PRKX: variants seen among roughly 807,000 people sequenced by gnomAD.
PRKX encodes protein kinase cAMP-dependent X-linked catalytic subunit.
PRKX carries 12 observed loss-of-function variants against 22.0 expected under a neutral mutation model. The ratio of observed to expected loss-of-function variants is 0.54; its 90% CI spans 0.35 to 0.88. PRKX has a LOEUF of 0.88. Ranked by LOEUF, PRKX falls within the 40% of genes least tolerant of loss-of-function variation. PRKX has a pLI of 0.01. For missense variants in PRKX, 217 were observed against 308.0 expected (o/e 0.70, Z 2.21); for synonymous variants, 134 against 137.7 (o/e 0.97, Z 0.19).
rs531648852 is a variant in PRKX at position 3,658,205 on chromosome X, G to T, written c.336-2793C>A. Among the ~76,000 whole-genome samples, 344 of 111,076 alleles carry T rather than the reference G, an allele frequency of 3.1e-3. 3 individuals are homozygous for T. The highest frequency in any genetic ancestry group is 0.01 in the African/African-American group (314 of 30,525). Reference sequence around the variant, plus strand: ...GGGGCTTCACCATGTTGGCCAGGCCGGTCTCGAACTCCTGACCTCAGGCGA... The same window carrying T: ...GGGGCTTCACCATGTTGGCCAGGCCTGTCTCGAACTCCTGACCTCAGGCGA... On this transcript the variant is annotated intron_variant, in intron 2 of 8. Coordinates refer to ENST00000262848, the MANE Select transcript of PRKX (RefSeq NM_005044.5).
intron 1 of PRKX, among the ~76,000 whole-genome samples, chrX:3,689,764 T>G (rs987972212): frequency 9.0e-6 from 1 of 111,492 alleles, no homozygotes; most frequent in African/African-American, 3.3e-5. Context: ...GATCACAAGG[T>G]CAGGAGATCG....
rs1927646806 is a variant in PRKX at position 3,663,423 on chromosome X, CCT to C, written c.336-8013_336-8012del. On this transcript the variant is annotated intron_variant, in intron 2 of 8. Coordinates refer to ENST00000262848, the MANE Select transcript of PRKX (RefSeq NM_005044.5). The stretch of plus-strand genomic sequence containing the variant: ...CTGAGCAACACAGTGAGATCTTGTC[CCT>C]ACACACACACACACACACACACACA... 5.1e-5 allele frequency among the ~76,000 whole-genome samples: 4 copies of C among 77,931 alleles called. No homozygotes were observed. The East Asian group carries it at 1.2e-3, about 24-fold the overall frequency. The allele number at this position is 77,931 out of a possible 115,157, so 67.7% of individuals were successfully genotyped here. A position where few individuals can be genotyped will look rare whatever the true frequency, so the allele number is the denominator to read the frequency against.
chrX:3,626,092 A>G (rs1304873709), intron 5 of PRKX, among the ~76,000 whole-genome samples: 1 of 111,787 alleles, frequency 8.9e-6, no homozygotes, highest in Non-Finnish European at 1.9e-5. Flanking sequence ...TCTGTTAGCC[A>G]CAGAACTAGG....
At chrX:3,680,130 C>CTGTTGTTGTTGTTGT (rs34465309) in intron 1 of PRKX, among the ~76,000 whole-genome samples, 167 of 107,921 alleles carry the variant, frequency 1.5e-3, no homozygotes, top group African/African-American at 5.5e-3. Flanking sequence ...ACATCCTGGC[C>CTGTTGTTGTTGTTGT]TGTTGTTGTT....
At chrX:3,705,865 T>C (rs1928672408) in intron 1 of PRKX, among the ~76,000 whole-genome samples, 1 of 107,289 alleles carries the variant, frequency 9.3e-6, no homozygotes, top group African/African-American at 3.4e-5. Flanking sequence ...TTTTTTTTTG[T>C]ATTTTTAGTA....
chrX:3,636,920 C>A (rs377710707), intron 4 of PRKX, among the ~76,000 whole-genome samples: 1 of 99,573 alleles, frequency 1.0e-5, no homozygotes, highest in Non-Finnish European at 2.0e-5. Flanking sequence ...CAGAGCGAGG[C>A]GGAACAGAAA....
intron 1 of PRKX, among the ~76,000 whole-genome samples, chrX:3,701,243 G>T (rs1415788121): frequency 3.6e-5 from 4 of 110,536 alleles, no homozygotes; most frequent in Non-Finnish European, 7.6e-5. Flanking sequence ...TGAACAGCTG[G>T]GATTATAGGT....
At chrX:3,670,858 T>C (rs980089408) in intron 2 of PRKX, among the ~76,000 whole-genome samples, 1 of 111,482 alleles carries the variant, frequency 9.0e-6, no homozygotes, top group African/African-American at 3.3e-5. Flanking sequence ...AAACTCATTT[T>C]CTGTCATTTT....
intron 7 of PRKX, among the ~76,000 whole-genome samples, chrX:3,613,008 G>A (rs192659825): frequency 4.5e-4 from 48 of 107,235 alleles, no homozygotes; most frequent in African/African-American, 1.5e-3. Context: ...AAAATTAGCC[G>A]GGCATAGTGG....
At chrX:3,636,773 T>C (rs1926895555) in intron 4 of PRKX, among the ~76,000 whole-genome samples, 2 of 111,006 alleles carry the variant, frequency 1.8e-5, no homozygotes, top group African/African-American at 6.5e-5. Flanking sequence ...GGAAGGAGAA[T>C]TGCTTGAACC....
chrX:3,639,833 A>G (rs1927031412), intron 4 of PRKX, among the ~76,000 whole-genome samples: 1 of 110,798 alleles, frequency 9.0e-6, no homozygotes, highest in Non-Finnish European at 1.9e-5. Context: ...GGGCAGAGAT[A>G]AGCACATGGG....
intron 1 of PRKX, among the ~76,000 whole-genome samples, chrX:3,700,563 C>A (rs1386795123): frequency 9.9e-6 from 1 of 101,227 alleles, no homozygotes; most frequent in Non-Finnish European, 2.0e-5. Flanking sequence ...CTTTTTTTTT[C>A]CTTCTTCTTT....
At chrX:3,677,479 A>G (rs1927987487) in intron 1 of PRKX, among the ~76,000 whole-genome samples, 1 of 108,730 alleles carries the variant, frequency 9.2e-6, no homozygotes, top group African/African-American at 3.3e-5. Context: ...GGCGTGCACC[A>G]CCAAGGGCGG....
chrX:3,670,930 A>C (rs1307413553), intron 2 of PRKX, among the ~76,000 whole-genome samples: 6 of 112,383 alleles, frequency 5.3e-5, no homozygotes, highest in Non-Finnish European at 1.1e-4. Flanking sequence ...ATTGTTGACA[A>C]TCACTTCCCT....
chrX:3,673,238 T>C (rs1475489079), intron 2 of PRKX, among the ~76,000 whole-genome samples: 1 of 110,472 alleles, frequency 9.1e-6, no homozygotes, highest in Non-Finnish European at 1.9e-5. Flanking sequence ...AGGACAATGA[T>C]GAGAGCAAAG....
chrX:3,702,983 AAAG>A (rs1157172974), intron 1 of PRKX, among the ~76,000 whole-genome samples: 4 of 109,122 alleles, frequency 3.7e-5, no homozygotes, highest in African/African-American at 1.4e-4. Flanking sequence ...CGTGTGAGCC[AAAG>A]CCCAGCCGTA....
In PRKX at chrX:3,700,516, AT is replaced by A. The variant is rs368049453; in HGVS notation, c.166+12571del. On this transcript the variant is annotated intron_variant, in intron 1 of 8. Transcript: ENST00000262848. ...CAGGGAATATTTTGAGTCGTTACTG[AT>A]TTTTTTTCTATGTTTTTCTTTTACT... is the stretch of plus-strand genomic sequence containing the variant. 4.4e-3 allele frequency among the ~76,000 whole-genome samples: 486 copies of A among 109,749 alleles called. 1 individual carries two copies. The highest frequency in any genetic ancestry group is 0.015 in the African/African-American group (451 of 30,104).
chrX:3,611,438 C>T (rs1002527817), intron 8 of PRKX: 2 of 112,283 alleles, frequency 1.8e-5, no homozygotes, highest in African/African-American at 6.5e-5. Context: ...ATGTTTCTTG[C>T]TCGTGTGTTA....
intron 1 of PRKX, among the ~76,000 whole-genome samples, chrX:3,710,345 T>C (rs557290051): frequency 3.4e-4 from 38 of 111,929 alleles, no homozygotes; most frequent in African/African-American, 1.2e-3. Context: ...TCTTTCTTCC[T>C]AACTACCTGA....
Sources: gnomAD v4.1 joint callset for allele counts (sites outside exome capture counted in the v4.1 genomes callset) on GRCh38, gnomAD v4.1.1 for gene constraint, MANE v1.5 for transcripts, NCBI Gene and HGNC (gene_info 2026-07-23, HGNC 2026-07-21) for gene names.